The following SNTG1 variants were observed in gnomAD, a reference collection of about 807,000 sequenced individuals.
SNTG1 encodes gamma-1-syntrophin.
A neutral mutation model predicts 74.7 loss-of-function variants in SNTG1; 39 were observed. That is an observed-to-expected ratio of 0.52 (90% CI 0.40 to 0.68). The LOEUF (loss-of-function observed/expected upper bound fraction) is 0.68, where lower values mean the gene tolerates loss of function less well. SNTG1 is among the 30% of genes least tolerant of loss of function. The pLI, the probability that SNTG1 is intolerant of heterozygous loss-of-function variation, is 0.00. For missense variants in SNTG1, 685 were observed against 609.5 expected (o/e 1.12, Z -1.30); for synonymous variants, 254 against 217.1 (o/e 1.17, Z -1.49).
intron 12 of SNTG1, among the ~76,000 whole-genome samples, chr8:50,555,482 T>G (rs1478757646): frequency 6.6e-6 from 1 of 152,184 alleles, no homozygotes; most frequent in Non-Finnish European, 1.5e-5. Flanking sequence ...AGAAAGAAAT[T>G]AGGCAGAAAG....
chr8:50,180,292 T>C (rs2083154885), intron 2 of SNTG1, among the ~76,000 whole-genome samples: 1 of 152,006 alleles, frequency 6.6e-6, no homozygotes, highest in African/African-American at 2.4e-5. Context: ...AATAAAGAGA[T>C]GGGAATCAAA....
chr8:50,455,022 A>T (rs967946018), intron 8 of SNTG1, among the ~76,000 whole-genome samples: 1 of 152,134 alleles, frequency 6.6e-6, no homozygotes, highest in Non-Finnish European at 1.5e-5. Context: ...AAAAATTTTA[A>T]GAAAACTATT....
At chr8:50,141,215 G>T (rs1382871067) in intron 1 of SNTG1, among the ~76,000 whole-genome samples, 1 of 152,152 alleles carries the variant, frequency 6.6e-6, no homozygotes, top group Non-Finnish European at 1.5e-5. Flanking sequence ...GAATAGGATT[G>T]CCAGATCAGA....
rs146961915 is a variant in SNTG1 at position 50,560,426 on chromosome 8, C to T, written c.810+7247C>T. 2.0e-5 allele frequency among the ~76,000 whole-genome samples: 3 copies of T among 152,302 alleles called. No individual in the cohort carries two copies. In the East Asian group the frequency reaches 5.8e-4, roughly 29 times the overall value. ...ATAAAGACACATGCACGTGTATGCT[C>T]ATTGCAGCACTATTCACGATAGCAA... On this transcript the variant is annotated intron_variant, in intron 12 of 18. Coordinates refer to ENST00000642720, the MANE Select transcript of SNTG1 (RefSeq NM_018967.5).
intron 1 of SNTG1, among the ~76,000 whole-genome samples, chr8:50,161,079 G>A (rs538639968): frequency 5.3e-5 from 8 of 152,308 alleles, no homozygotes; most frequent in African/African-American, 1.7e-4. Context: ...GATCATTAAG[G>A]ACAGTGAATA....
intron 1 of SNTG1, among the ~76,000 whole-genome samples, chr8:50,087,870 C>T (rs1369960898): frequency 3.3e-5 from 5 of 150,008 alleles, no homozygotes; most frequent in South Asian, 2.1e-4. Context: ...CATGCTGGTG[C>T]GCTGCACCCA....
At chr8:50,515,893 G>T (rs188939708) in intron 9 of SNTG1, among the ~76,000 whole-genome samples, 1 of 152,008 alleles carries the variant, frequency 6.6e-6, no homozygotes, top group South Asian at 2.1e-4. Flanking sequence ...AGACTTAAAC[G>T]TTCCTGCCTG....
chr8:50,060,174 C>A (rs1300438010), intron 1 of SNTG1, among the ~76,000 whole-genome samples: 2 of 152,018 alleles, frequency 1.3e-5, no homozygotes. Context: ...CTATTCAGAT[C>A]ATTTGACCAT....
intron 2 of SNTG1, among the ~76,000 whole-genome samples, chr8:50,204,013 TG>T (rs1191210648): frequency 6.6e-6 from 1 of 152,002 alleles, no homozygotes; most frequent in Non-Finnish European, 1.5e-5. Context: ...TGATGAAAAA[TG>T]CATAATGATA....
intron 2 of SNTG1, among the ~76,000 whole-genome samples, chr8:50,217,329 T>A (rs895107935): frequency 2.6e-5 from 4 of 151,990 alleles, no homozygotes; most frequent in Admixed American, 6.6e-5. Flanking sequence ...AGGGGAGTCA[T>A]TTTTTTCAAT....
intron 1 of SNTG1, among the ~76,000 whole-genome samples, chr8:49,943,706 T>G (rs1028221113): frequency 5.9e-5 from 9 of 152,258 alleles, no homozygotes; most frequent in African/African-American, 2.2e-4. Flanking sequence ...ATGAAAATAT[T>G]TCTGTACTTC....
At chr8:50,313,488 G>A (rs1294328357) in intron 2 of SNTG1, among the ~76,000 whole-genome samples, 1 of 149,500 alleles carries the variant, frequency 6.7e-6, no homozygotes, top group Non-Finnish European at 1.5e-5. Flanking sequence ...GTGAAAAAAT[G>A]GGCAAATGAT....
intron 2 of SNTG1, among the ~76,000 whole-genome samples, chr8:50,257,830 C>T (rs552885339): frequency 6.6e-6 from 1 of 152,278 alleles, no homozygotes; most frequent in South Asian, 2.1e-4. Context: ...TTAATTGAAT[C>T]AGACTGTAGA....
At chr8:50,628,540 A>T in intron 13 of SNTG1, among the ~76,000 whole-genome samples, 1 of 150,266 alleles carries the variant, frequency 6.7e-6, no homozygotes, top group East Asian at 2.0e-4. Context: ...TTTTACTTCC[A>T]TTTTTTTTCT....
chr8:50,534,590 G>T (rs2094294270), intron 10 of SNTG1, among the ~76,000 whole-genome samples: 1 of 152,134 alleles, frequency 6.6e-6, no homozygotes, highest in South Asian at 2.1e-4. Flanking sequence ...AGACCAGCCT[G>T]GCCAACATGG....
At chr8:50,257,591 T>C (rs1326785937) in intron 2 of SNTG1, among the ~76,000 whole-genome samples, 1 of 152,202 alleles carries the variant, frequency 6.6e-6, no homozygotes, top group South Asian at 2.1e-4. Context: ...TTTAACACAT[T>C]TGTGCCTGAG....
chr8:50,640,287 A>G (rs2095064239), intron 13 of SNTG1, among the ~76,000 whole-genome samples: 1 of 152,148 alleles, frequency 6.6e-6, no homozygotes, highest in Non-Finnish European at 1.5e-5. Flanking sequence ...TATTCTGAAC[A>G]TAGTACAGGT....
At chr8:50,654,293 A>G (rs139557918) in intron 13 of SNTG1, among the ~76,000 whole-genome samples, 1,623 of 152,122 alleles carry the variant, frequency 0.011, 35 homozygotes, top group African/African-American at 0.036. Flanking sequence ...CTCTCCAATC[A>G]TCATTCTAGA....
At chr8:50,148,740 T>C (rs1211454755) in intron 1 of SNTG1, among the ~76,000 whole-genome samples, 1 of 152,228 alleles carries the variant, frequency 6.6e-6, no homozygotes, top group Non-Finnish European at 1.5e-5. Context: ...TCATCATTTT[T>C]ATGGATGCAT....
Sources: allele counts gnomAD v4.1 joint callset (sites outside exome capture counted in the v4.1 genomes callset), GRCh38; gene constraint gnomAD v4.1.1; transcripts MANE v1.5; gene names NCBI Gene and HGNC (gene_info 2026-07-23, HGNC 2026-07-21).